The following BCL11B variants were observed in gnomAD, a reference collection of about 807,000 sequenced individuals.
The protein encoded by BCL11B is B-cell lymphoma/leukemia 11B.
BCL11B carries 8 observed loss-of-function variants against 49.9 expected under a neutral mutation model. The ratio of observed to expected loss-of-function variants is 0.16; its 90% confidence interval spans 0.09 to 0.29. The LOEUF (loss-of-function observed/expected upper bound fraction) is 0.29, where lower values mean the gene tolerates loss of function less well. BCL11B is among the 10% of genes least tolerant of loss of function. The probability of loss-of-function intolerance (pLI) is 1.00; values close to 1 mark genes in which losing one functional copy is unlikely to be tolerated. For missense variants in BCL11B, 1,006 were observed against 1,351.0 expected, an observed-to-expected ratio of 0.74 and a Z score of 4.00; for synonymous variants, 739 against 637.4, an observed-to-expected ratio of 1.16 and a Z score of -2.40.
intron 1 of BCL11B, among the ~76,000 whole-genome samples, chr14:99,267,328 C>G (rs1032195068): frequency 1.3e-5 from 2 of 152,028 alleles, no homozygotes; most frequent in African/African-American, 4.8e-5. Flanking sequence ...TCATATCATT[C>G]AGGTAGGGAA....
Position 99,174,890 on chromosome 14 carries a change from CCGCCCG to C in BCL11B, c.1940_1945del (p.Ala647_Gly648del), listed in dbSNP as rs1311088963. ...GCCGCCCCCGCGCCCGTTGACCGCG[CCGCCCG>C]CGCCCGCGTCCCCGCAGCCGCCCGC... On this transcript the variant is annotated inframe_deletion, in exon 4 of 4. Coordinates refer to ENST00000357195, the MANE Select transcript of BCL11B (RefSeq NM_138576.4). The C allele has an allele frequency of 2.8e-6, 3 of 1,060,222 alleles. No individual in the cohort carries two copies. Among genetic ancestry groups the C allele is most frequent in the South Asian group, 4.4e-5 (1 of 22,674 alleles). 65.7% of individuals were successfully genotyped at this position (1,060,222 alleles called of 1,614,324 possible). A position where few individuals can be genotyped will look rare whatever the true frequency, so the allele number is the denominator to read the frequency against.
chr14:99,235,751 G>A (rs1451314646), intron 2 of BCL11B, among the ~76,000 whole-genome samples: 1 of 151,742 alleles, frequency 6.6e-6, no homozygotes, highest in Non-Finnish European at 1.5e-5. Flanking sequence ...CTACAGCGGT[G>A]GCAGCAGCAA....
chr14:99,180,260 A>T (rs1189813757), intron 3 of BCL11B, among the ~76,000 whole-genome samples: 1 of 152,238 alleles, frequency 6.6e-6, no homozygotes, highest in African/African-American at 2.4e-5. Context: ...AGCAACATCA[A>T]ACCTGGCCTA....
intron 3 of BCL11B, among the ~76,000 whole-genome samples, chr14:99,229,047 G>GATGGATGC (rs1555381678): frequency 0.023 from 2,386 of 103,168 alleles, 24 homozygotes; most frequent in South Asian, 0.051. Flanking sequence ...TGGATGCATG[G>GATGGATGC]ATGGATGGAT....
chr14:99,221,398 T>C (rs566199597), intron 3 of BCL11B, among the ~76,000 whole-genome samples: 2 of 152,350 alleles, frequency 1.3e-5, no homozygotes, highest in South Asian at 2.1e-4. Context: ...ACTGACTCCA[T>C]TTTTGCATTC....
intron 3 of BCL11B, among the ~76,000 whole-genome samples, chr14:99,229,519 A>G (rs1336610387): frequency 6.6e-6 from 1 of 152,180 alleles, no homozygotes; most frequent in Non-Finnish European, 1.5e-5. Flanking sequence ...TCCCTCCCCA[A>G]GCCCTTGCTT....
intron 2 of BCL11B, among the ~76,000 whole-genome samples, chr14:99,239,338 C>T (rs1452012555): frequency 3.9e-5 from 6 of 152,156 alleles, no homozygotes; most frequent in Admixed American, 6.5e-5. Flanking sequence ...AATAACTCAA[C>T]GAAGAGTGAA....
chr14:99,253,016 A>G (rs1889051917), intron 2 of BCL11B, among the ~76,000 whole-genome samples: 1 of 152,250 alleles, frequency 6.6e-6, no homozygotes, highest in African/African-American at 2.4e-5. Flanking sequence ...TTGGCTTTCT[A>G]GAAGCATCCA....
At chr14:99,253,560 C>T (rs1196339319) in intron 2 of BCL11B, among the ~76,000 whole-genome samples, 1 of 152,160 alleles carries the variant, frequency 6.6e-6, no homozygotes, top group African/African-American at 2.4e-5. Flanking sequence ...AACCGCGGCT[C>T]AGAAGGTCAA....
intron 1 of BCL11B, chr14:99,263,161 A>T (rs1467412856): frequency 6.6e-6 from 1 of 152,610 alleles, no homozygotes; most frequent in Admixed American, 6.5e-5. Flanking sequence ...CTCTGTCCTG[A>T]CCCTCGACCC....
intron 3 of BCL11B, among the ~76,000 whole-genome samples, chr14:99,230,070 C>G (rs1595266838): frequency 6.6e-6 from 1 of 152,180 alleles, no homozygotes; most frequent in Non-Finnish European, 1.5e-5. Context: ...CTTTTGGAAG[C>G]CAGATCCTAT....
At position 99,232,391 on chromosome 14, in the gene BCL11B, G is replaced by A. The variant is rs1312187354; in HGVS notation, c.428-834C>T. 6.6e-6 allele frequency among the ~76,000 whole-genome samples: 1 copy of A among 152,228 alleles called. No individual in the cohort carries two copies. The highest frequency in any genetic ancestry group is 1.5e-5 in the Non-Finnish European group (1 of 68,044). Reference sequence around the variant, plus strand: ...ATCTTAAATGGCTAAGAGACCACCAGGGCAAAACATTTGTGTGAAGCCCTT... The same window carrying A: ...ATCTTAAATGGCTAAGAGACCACCAAGGCAAAACATTTGTGTGAAGCCCTT... On this transcript the variant is annotated intron_variant, in intron 2 of 3. Transcript: ENST00000357195. This position sits in a 1 kb window ranked among gnomAD's most constrained non-coding sequence, Gnocchi z 5.1.
At chr14:99,220,429 C>G (rs1195318392) in intron 3 of BCL11B, among the ~76,000 whole-genome samples, 2 of 152,162 alleles carry the variant, frequency 1.3e-5, no homozygotes, top group South Asian at 4.1e-4. Context: ...GATTGTAACA[C>G]GTGCTACAAC....
intron 1 of BCL11B, among the ~76,000 whole-genome samples, chr14:99,260,491 T>A (rs1889305366): frequency 6.6e-6 from 1 of 152,150 alleles, no homozygotes. Flanking sequence ...TAGGAGGTTT[T>A]CAACTACATA....
rs1889367289 is a variant in BCL11B, at chr14:99,262,585, A to C, written c.59-4746T>G. Among the ~76,000 whole-genome samples, 2 of 152,144 alleles carry C rather than the reference A, an allele frequency of 1.3e-5. No individual in the cohort carries two copies. Among genetic ancestry groups the C allele is most frequent in the South Asian group, 4.1e-4 (2 of 4,822 alleles). On this transcript the variant is annotated intron_variant, in intron 1 of 3. Coordinates refer to ENST00000357195, the MANE Select transcript of BCL11B (RefSeq NM_138576.4). This position sits in a 1 kb window ranked among gnomAD's most constrained non-coding sequence, Gnocchi z 4.2. ...ATGATGTGTACGCATGTTTACAAGA[A>C]ATGTTCAGCATCCATCCGCCCGAGC...
intron 3 of BCL11B, among the ~76,000 whole-genome samples, chr14:99,230,508 G>A (rs1353553310): frequency 4.6e-5 from 7 of 152,100 alleles, no homozygotes; most frequent in Non-Finnish European, 2.9e-5. Flanking sequence ...CGAGATGCCG[G>A]GGGGACAGAC....
At chr14:99,246,484 G>C (rs1298512137) in intron 2 of BCL11B, among the ~76,000 whole-genome samples, 1 of 152,218 alleles carries the variant, frequency 6.6e-6, no homozygotes, top group Admixed American at 6.5e-5. Flanking sequence ...GAACAGTGCC[G>C]AGGAGCCTCC....
intron 3 of BCL11B, 123 bp from the exon 4 acceptor site, chr14:99,176,318 C>G (rs1886529250): frequency 1.1e-6 from 1 of 884,108 alleles, no homozygotes; most frequent in Non-Finnish European, 1.7e-6. Context: ...AGTGCCCTGC[C>G]TGACAGGGGC....
rs34932370 is a variant in BCL11B at position 99,218,232 on chromosome 14, A to ATT, written c.640+13111_640+13112dup. 8.9e-3 allele frequency among the ~76,000 whole-genome samples: 1,007 copies of ATT among 112,852 alleles called. 33 individuals are homozygous for ATT. In the East Asian group the frequency reaches 0.11, roughly 12 times the overall value. The allele number at this position is 112,852 out of a possible 152,430, so 74.0% of individuals were successfully genotyped here. On this transcript the variant is annotated intron_variant, in intron 3 of 3. Coordinates refer to ENST00000357195, the MANE Select transcript of BCL11B (RefSeq NM_138576.4). ...AGGCACCCGCCACCATGCCTGGCTA[A>ATT]TTTTTTTTTTTTTTTTTTTTTGTAT...
Sources: allele counts gnomAD v4.1 joint callset (sites outside exome capture counted in the v4.1 genomes callset), GRCh38; gene constraint gnomAD v4.1.1; non-coding constraint Gnocchi (gnomAD v3.1); transcripts MANE v1.5; gene names NCBI Gene and HGNC (gene_info 2026-07-23, HGNC 2026-07-21).